The following DSCAM variants were observed in gnomAD, a reference collection of about 807,000 sequenced individuals.
DSCAM encodes the protein DS cell adhesion molecule.
A neutral mutation model predicts 217.7 loss-of-function variants in DSCAM; 47 were observed. The observed-to-expected ratio is 0.22, with a 90% CI of 0.17 to 0.28. The LOEUF is 0.28. DSCAM is among the 10% of genes least tolerant of loss of function. The pLI, the probability that DSCAM is intolerant of heterozygous loss-of-function variation, is 1.00. For missense variants in DSCAM, 2,080 were observed against 2,618.3 expected (o/e 0.79, Z 4.49); for synonymous variants, 1,056 against 1,015.3 (o/e 1.04, Z -0.76).
At chr21:40,197,619 C>T (rs1253992025) in intron 11 of DSCAM, among the ~76,000 whole-genome samples, 1 of 152,162 alleles carries the variant, frequency 6.6e-6, no homozygotes, top group Non-Finnish European at 1.5e-5. Flanking sequence ...TCTTTCCCAT[C>T]CCCTCTCTTC....
intron 1 of DSCAM, among the ~76,000 whole-genome samples, chr21:40,720,865 G>T (rs2090893775): frequency 6.6e-6 from 1 of 152,166 alleles, no homozygotes; most frequent in African/African-American, 2.4e-5. Flanking sequence ...TGGAAAGAAG[G>T]AAGTTATATA....
intron 16 of DSCAM, among the ~76,000 whole-genome samples, chr21:40,162,712 T>A (rs2090552473): frequency 6.6e-6 from 1 of 152,224 alleles, no homozygotes; most frequent in Non-Finnish European, 1.5e-5. Context: ...ATCATACCTC[T>A]CTTTCTTAAT....
intron 8 of DSCAM, among the ~76,000 whole-genome samples, chr21:40,324,103 CAAAAAAAAAAAAAAAA>C (rs71330393): frequency 7.2e-5 from 2 of 27,936 alleles, no homozygotes; most frequent in Non-Finnish European, 1.2e-4. Context: ...AACTCTGTCT[CAAAAAAAAAAAAAAAA>C]AAAAAAAAAA....
At chr21:40,718,044 G>A (rs560780070) in intron 1 of DSCAM, among the ~76,000 whole-genome samples, 16 of 152,226 alleles carry the variant, frequency 1.1e-4, no homozygotes, top group Admixed American at 2.0e-4. Flanking sequence ...TACCAGCATC[G>A]GTGGGCAGGG....
intron 1 of DSCAM, among the ~76,000 whole-genome samples, chr21:40,757,627 G>C (rs552167586): frequency 2.0e-5 from 3 of 152,218 alleles, no homozygotes; most frequent in Non-Finnish European, 4.4e-5. Flanking sequence ...GTCCACCAGA[G>C]GGTAAAGAGC....
intron 1 of DSCAM, among the ~76,000 whole-genome samples, chr21:40,771,163 C>T (rs1390408513): frequency 6.6e-6 from 1 of 152,172 alleles, no homozygotes; most frequent in Non-Finnish European, 1.5e-5. Flanking sequence ...AGACAGGCCA[C>T]CCAGCCCACA....
intron 28 of DSCAM, among the ~76,000 whole-genome samples, chr21:40,056,623 G>A (rs956908285): frequency 6.6e-5 from 10 of 152,098 alleles, no homozygotes; most frequent in African/African-American, 2.4e-4. Flanking sequence ...TAGAAGGGTG[G>A]TTGTTCAGTC....
At position 40,777,391 on chromosome 21, in the gene DSCAM, C is replaced by T. The variant is rs144769286; in HGVS notation, c.44-68620G>A. Among the ~76,000 whole-genome samples, 571 of 152,278 alleles carry T rather than the reference C, an allele frequency of 3.7e-3. 2 individuals are homozygous for T. Among genetic ancestry groups the T allele is most frequent in the Non-Finnish European group, 6.9e-3 (466 of 68,020 alleles). On this transcript the variant is annotated intron_variant, in intron 1 of 32. Transcript: ENST00000400454. ...CAAAGACTATTCCATAACCCTTGCC[C>T]ACTTATATAAGTTTCCTTCCTATCT...
At chr21:40,331,356 C>T (rs2074376280) in intron 8 of DSCAM, among the ~76,000 whole-genome samples, 1 of 152,110 alleles carries the variant, frequency 6.6e-6, no homozygotes, top group South Asian at 2.1e-4. Flanking sequence ...TTGTTCCCAG[C>T]CTTTGAAGAA....
chr21:40,680,032 C>T (rs925293915), intron 3 of DSCAM, among the ~76,000 whole-genome samples: 2 of 152,144 alleles, frequency 1.3e-5, no homozygotes, highest in Non-Finnish European at 2.9e-5. Flanking sequence ...AGAAGAAGGA[C>T]AATGACAAAC....
intron 3 of DSCAM, among the ~76,000 whole-genome samples, chr21:40,666,476 A>C (rs1358993314): frequency 2.0e-5 from 3 of 152,162 alleles, no homozygotes; most frequent in African/African-American, 7.2e-5. Flanking sequence ...CCCTGATAGA[A>C]TTTTGCCACA....
At chr21:40,324,141 A>AG (rs2074292531) in intron 8 of DSCAM, among the ~76,000 whole-genome samples, 4 of 150,052 alleles carry the variant, frequency 2.7e-5, no homozygotes, top group South Asian at 2.1e-4. Context: ...AGAAAAAAAA[A>AG]AGAGAGAGAG....
Position 40,152,876 on chromosome 21 carries a change from C to G in DSCAM, c.3019-8145G>C, listed in dbSNP as rs527864390. ...TCTGTTTCCCTCATGCCTCCTGCCC[C>G]CTTCCCATTGAAAGGAAATGGCCTC... On this transcript the variant is annotated intron_variant, in intron 16 of 32. Transcript: ENST00000400454. Among the ~76,000 whole-genome samples, 76 of 152,352 alleles carry G rather than the reference C, an allele frequency of 5.0e-4. 1 individual carries two copies. The highest frequency in any genetic ancestry group is 9.1e-4 in the Admixed American group (14 of 15,310).
chr21:40,529,250 C>G (rs922114903), intron 3 of DSCAM, among the ~76,000 whole-genome samples: 36 of 152,242 alleles, frequency 2.4e-4, no homozygotes, highest in African/African-American at 8.4e-4. Flanking sequence ...TGGCACTCCC[C>G]TCTGGGAAGT....
chr21:40,667,303 A>AC (rs2090214796), intron 3 of DSCAM, among the ~76,000 whole-genome samples: 1 of 152,224 alleles, frequency 6.6e-6, no homozygotes, highest in South Asian at 2.1e-4. Flanking sequence ...CACATCATGG[A>AC]CCCAGATGCA....
At chr21:40,048,267 C>G (rs2088873779) in intron 30 of DSCAM, among the ~76,000 whole-genome samples, 1 of 152,240 alleles carries the variant, frequency 6.6e-6, no homozygotes, top group Non-Finnish European at 1.5e-5. Context: ...GCAAACATGA[C>G]TCAATGTCTT....
chr21:40,517,566 A>G (rs1472502907), intron 3 of DSCAM, among the ~76,000 whole-genome samples: 4 of 152,056 alleles, frequency 2.6e-5, no homozygotes, highest in Admixed American at 6.6e-5. Context: ...TCCTTTTCTA[A>G]TATGTCTATG....
chr21:40,452,676 G>A (rs977703742), intron 3 of DSCAM, among the ~76,000 whole-genome samples: 2 of 151,976 alleles, frequency 1.3e-5, no homozygotes, highest in African/African-American at 4.8e-5. Context: ...ACGTCTGTGA[G>A]AGTTCCCTAC....
chr21:40,683,095 G>A (rs2090432488), intron 3 of DSCAM, among the ~76,000 whole-genome samples: 3 of 152,188 alleles, frequency 2.0e-5, no homozygotes, highest in Non-Finnish European at 1.5e-5. Context: ...CTGGCAGCCT[G>A]ATCTCAATCT....
Sources: allele counts gnomAD v4.1 joint callset (sites outside exome capture counted in the v4.1 genomes callset), GRCh38; gene constraint gnomAD v4.1.1; transcripts MANE v1.5; gene names NCBI Gene and HGNC (gene_info 2026-07-23, HGNC 2026-07-21).